Variants in DOCK4 observed in about 807,000 individuals in gnomAD.
The protein encoded by DOCK4 is dedicator of cytokinesis protein 4.
DOCK4 carries 97 observed loss-of-function variants against 268.1 expected under a neutral mutation model. The ratio of observed to expected loss-of-function variants is 0.36; its 90% confidence interval spans 0.31 to 0.43. The LOEUF (loss-of-function observed/expected upper bound fraction) is 0.43. Ranked by LOEUF, DOCK4 falls within the 20% of genes least tolerant of loss-of-function variation. DOCK4 has a pLI of 1.00. For missense variants in DOCK4, 2,145 were observed against 2,455.7 expected, an observed-to-expected ratio of 0.87 and a Z score of 2.67; for synonymous variants, 954 against 887.2, an observed-to-expected ratio of 1.08 and a Z score of -1.34.
At chr7:111,792,533 C>G (rs1799618589) in intron 30 of DOCK4, among the ~76,000 whole-genome samples, 1 of 152,138 alleles carries the variant, frequency 6.6e-6, no homozygotes, top group Admixed American at 6.5e-5. Flanking sequence ...CAGGCACGCA[C>G]CACCACGCCC....
At chr7:111,759,422 C>T (rs1009313244) in intron 40 of DOCK4, among the ~76,000 whole-genome samples, 1 of 152,080 alleles carries the variant, frequency 6.6e-6, no homozygotes, top group African/African-American at 2.4e-5. Context: ...TGTATATTTA[C>T]CTCCTTCTCT....
intron 26 of DOCK4, among the ~76,000 whole-genome samples, chr7:111,822,818 T>C (rs1802097221): frequency 6.6e-6 from 1 of 152,252 alleles, no homozygotes. Flanking sequence ...AACTTTTCAA[T>C]GCAGGAGAAC....
At chr7:112,169,248 C>T (rs118109357) in intron 1 of DOCK4, among the ~76,000 whole-genome samples, 3 of 152,320 alleles carry the variant, frequency 2.0e-5, no homozygotes, top group East Asian at 3.9e-4. Context: ...GCTTCTAGTA[C>T]AGCCTGTGGA....
rs759078455 is a variant in DOCK4, at chr7:111,742,029, G to A, written c.4781C>T (p.Ser1594Leu). The change falls in exon 45 of 53, where the codon TCG (serine) becomes TTG (leucine). Residue 1594 changes from serine to leucine, a missense_variant. This residue lies in a region of DOCK4 where 1,598 missense variants were observed against 1,986.7 expected (regional missense o/e 0.80). Transcript: ENST00000428084. ...TATACATACCTGTATCCCTAAGCTC[G>A]ACTTCATCACAAAGAATTGGTCAAC... ...KLVDQFFVMK[S>L]SLGIQEFSAC... is the part of the protein sequence containing the mutation. 5.0e-6 allele frequency: 8 copies of A among 1,602,818 alleles called. No individual in the cohort carries two copies. Among genetic ancestry groups the A allele is most frequent in the South Asian group, 4.5e-5 (4 of 88,976 alleles).
intron 49 of DOCK4, 85 bp from the exon 50 acceptor site, chr7:111,737,074 T>C: frequency 3.3e-6 from 4 of 1,207,590 alleles, no homozygotes; most frequent in Non-Finnish European, 4.7e-6. Flanking sequence ...ATCTCCTCAG[T>C]AAAACTTTTT....
At chr7:111,744,401 G>C (rs956218072) in intron 44 of DOCK4, among the ~76,000 whole-genome samples, 1 of 152,192 alleles carries the variant, frequency 6.6e-6, no homozygotes, top group Non-Finnish European at 1.5e-5. Context: ...TCCCCACAGA[G>C]ATGATGAGAC....
chr7:111,987,140 T>C (rs1009913240), intron 6 of DOCK4, among the ~76,000 whole-genome samples: 3 of 152,190 alleles, frequency 2.0e-5, no homozygotes, highest in Non-Finnish European at 4.4e-5. Context: ...TTGAAGATGA[T>C]CTAAATAAAT....
chr7:111,840,793 A>G (rs1313217186), intron 25 of DOCK4: 3 of 1,320,858 alleles, frequency 2.3e-6, no homozygotes, highest in African/African-American at 1.5e-5. Context: ...GCACTTTTCC[A>G]TATGTGTCTG....
At chr7:112,042,786 A>C (rs1157577452) in intron 1 of DOCK4, among the ~76,000 whole-genome samples, 1 of 152,176 alleles carries the variant, frequency 6.6e-6, no homozygotes, top group Non-Finnish European at 1.5e-5. Context: ...GATTGCCATC[A>C]TGGCACGGTT....
intron 36 of DOCK4, 53 bp from the exon 37 acceptor site, chr7:111,769,730 C>T (rs1162760933): frequency 2.6e-6 from 4 of 1,562,014 alleles, no homozygotes; most frequent in Admixed American, 1.9e-5. Flanking sequence ...AGCCACATTC[C>T]CTCAAATGTG....
intron 13 of DOCK4, among the ~76,000 whole-genome samples, chr7:111,902,510 G>GC (rs1210342704): frequency 6.7e-6 from 1 of 149,586 alleles, no homozygotes; most frequent in African/African-American, 2.5e-5. Flanking sequence ...TCTTATTATT[G>GC]CAAGATAAAA....
chr7:112,189,224 G>A (rs1030174966), intron 1 of DOCK4, among the ~76,000 whole-genome samples: 6 of 152,072 alleles, frequency 3.9e-5, no homozygotes, highest in Admixed American at 1.3e-4. Context: ...ATATTTGGTA[G>A]GAGTTTTGTT....
At chr7:112,112,098 G>A (rs928187265) in intron 1 of DOCK4, among the ~76,000 whole-genome samples, 1 of 152,126 alleles carries the variant, frequency 6.6e-6, no homozygotes, top group African/African-American at 2.4e-5. Context: ...TTGGATGTGT[G>A]TCCCCTCCAA....
At chr7:112,052,465 C>A (rs749057830) in intron 1 of DOCK4, among the ~76,000 whole-genome samples, 1 of 152,112 alleles carries the variant, frequency 6.6e-6, no homozygotes, top group Non-Finnish European at 1.5e-5. Context: ...TCTTCCCCCC[C>A]TCACTTCGGG....
chr7:111,853,036 G>A lies in DOCK4; in HGVS notation c.2474-5910C>T, dbSNP rs113908539. Reference sequence around the variant, plus strand: ...GTTGTATGTCTCCTTGAGTGTATAAGGAGTGACTCTCATTTACTTTTTTGG... The same window carrying A: ...GTTGTATGTCTCCTTGAGTGTATAAAGAGTGACTCTCATTTACTTTTTTGG... On this transcript the variant is annotated intron_variant, in intron 23 of 52. Coordinates refer to ENST00000428084, the MANE Select transcript of DOCK4 (RefSeq NM_001363540.2). 5.5e-3 allele frequency among the ~76,000 whole-genome samples: 843 copies of A among 152,316 alleles called. 1 individual carries two copies. Among genetic ancestry groups the A allele is most frequent in the Non-Finnish European group, 9.8e-3 (665 of 68,036 alleles).
chr7:112,101,765 T>C (rs1563085294), intron 1 of DOCK4, among the ~76,000 whole-genome samples: 1 of 152,156 alleles, frequency 6.6e-6, no homozygotes, highest in Non-Finnish European at 1.5e-5. Flanking sequence ...CAACTTTTCT[T>C]ATAGTCTTTT....
intron 32 of DOCK4, chr7:111,784,532 A>C (rs547429527): frequency 2.2e-6 from 1 of 453,982 alleles, no homozygotes; most frequent in Non-Finnish European, 4.4e-6. Flanking sequence ...CTGTGCACTC[A>C]CTCAACAGTT....
chr7:112,142,073 G>A (rs1469397), intron 1 of DOCK4, among the ~76,000 whole-genome samples: 59,680 of 151,992 alleles, frequency 0.39, 11,804 homozygotes, highest in Admixed American at 0.47. Flanking sequence ...GGGAGAGGGA[G>A]AAACAGGTTC....
In DOCK4 at chr7:111,963,472, C is replaced by T. The variant is rs1263136805; in HGVS notation, c.701+13660G>A. On this transcript the variant is annotated intron_variant, in intron 8 of 52. Coordinates refer to ENST00000428084, the MANE Select transcript of DOCK4 (RefSeq NM_001363540.2). ...GACGCACCTGGAAAATCGGGTCACT[C>T]CCACCCGAATATTGCGCTTTTCAGA... Among the ~76,000 whole-genome samples, 3 of 104,910 alleles carry T rather than the reference C, an allele frequency of 2.9e-5. No homozygotes were observed. The East Asian group carries it at 9.9e-4, about 35-fold the overall frequency. The allele number at this position is 104,910 out of a possible 152,430, so 68.8% of individuals were successfully genotyped here. A position where few individuals can be genotyped will look rare whatever the true frequency, so the allele number is the denominator to read the frequency against.
Sources: gnomAD v4.1 joint callset for allele counts (sites outside exome capture counted in the v4.1 genomes callset) on GRCh38, gnomAD v4.1.1 for gene constraint, gnomAD v4.1.1 regional missense constraint, MANE v1.5 for transcripts, NCBI Gene and HGNC (gene_info 2026-07-23, HGNC 2026-07-21) for gene names.